Variants in MED12L observed in about 807,000 individuals in gnomAD.
MED12L encodes mediator complex subunit 12L.
A neutral mutation model predicts 281.3 loss-of-function variants in MED12L; 60 were observed. The observed-to-expected ratio is 0.21, with a 90% CI of 0.17 to 0.26. The LOEUF (loss-of-function observed/expected upper bound fraction) is 0.26, where lower values mean the gene tolerates loss of function less well. Among genes scored for constraint, MED12L ranks in the 10% least tolerant of loss-of-function variants. The probability of loss-of-function intolerance (pLI) is 1.00; values close to 1 mark genes in which losing one functional copy is unlikely to be tolerated. For synonymous variants in MED12L, 974 were observed against 987.2 expected (o/e 0.99, Z 0.25); for missense variants, 2,146 against 2,680.9 (o/e 0.80, Z 4.41).
intron 38 of MED12L, among the ~76,000 whole-genome samples, chr3:151,392,053 G>A (rs1714303077): frequency 6.6e-6 from 1 of 152,142 alleles, no homozygotes; most frequent in Non-Finnish European, 1.5e-5. Flanking sequence ...TGACACACAA[G>A]GACTGTCTGT....
chr3:151,346,186 T>C (rs1752514101), intron 16 of MED12L, among the ~76,000 whole-genome samples: 2 of 152,212 alleles, frequency 1.3e-5, no homozygotes, highest in Non-Finnish European at 2.9e-5. Flanking sequence ...TTTCTTTTTT[T>C]CCCGATGGTC....
intron 16 of MED12L, among the ~76,000 whole-genome samples, chr3:151,308,879 A>T (rs1216288773): frequency 6.6e-6 from 1 of 152,168 alleles, no homozygotes; most frequent in African/African-American, 2.4e-5. Context: ...GTTTAAGTTA[A>T]TGGAGTAAGA....
At chr3:151,356,646 T>C (rs1419711416) in intron 19 of MED12L, among the ~76,000 whole-genome samples, 3 of 152,112 alleles carry the variant, frequency 2.0e-5, no homozygotes, top group South Asian at 2.1e-4. Context: ...GTTGTTGTTG[T>C]TTTTCTTTTG....
rs1719073177 is a variant in MED12L at position 151,085,764 on chromosome 3, G to C, written c.-302G>C. The C allele has an allele frequency of 6.6e-6, 1 of 151,986 alleles. No homozygotes were observed. The highest frequency in any genetic ancestry group is 6.5e-5 in the Admixed American group (1 of 15,278). 9.4% of individuals were successfully genotyped at this position (151,986 alleles called of 1,614,324 possible). A position where few individuals can be genotyped will look rare whatever the true frequency, so the allele number is the denominator to read the frequency against. On this transcript the variant is annotated 5_prime_UTR_variant, in exon 1 of 45. Transcript: ENST00000687756. ...CGGCGGCGAGCCGGCGTCGCTCGCCGCCCCCAGACAGTGGCAAACTTCGCG... is the reference window on the plus strand; with the variant it reads ...CGGCGGCGAGCCGGCGTCGCTCGCCCCCCCCAGACAGTGGCAAACTTCGCG...
At chr3:151,185,715 G>C (rs1723179161) in intron 12 of MED12L, among the ~76,000 whole-genome samples, 1 of 152,102 alleles carries the variant, frequency 6.6e-6, no homozygotes, top group African/African-American at 2.4e-5. Context: ...GCTCACACCT[G>C]TTATAATCCT....
chr3:151,406,989 T>A (rs1716388355), intron 39 of MED12L, among the ~76,000 whole-genome samples: 1 of 152,038 alleles, frequency 6.6e-6, no homozygotes, highest in Non-Finnish European at 1.5e-5. Context: ...TTTGTAGAGA[T>A]CAGATTTCAC....
intron 39 of MED12L, among the ~76,000 whole-genome samples, chr3:151,398,162 A>T (rs1431860440): frequency 6.6e-6 from 1 of 152,194 alleles, no homozygotes; most frequent in Non-Finnish European, 1.5e-5. Flanking sequence ...AATCCTCAGC[A>T]TTCTGATTTT....
chr3:151,253,031 G>A (rs1737141666), intron 16 of MED12L, among the ~76,000 whole-genome samples: 1 of 152,156 alleles, frequency 6.6e-6, no homozygotes, highest in Admixed American at 6.5e-5. Flanking sequence ...GCTAAAGGGA[G>A]AAATTATGTT....
At chr3:151,376,244 A>C in intron 28 of MED12L, 30 bp downstream of exon 28, 1 of 1,349,070 alleles carries the variant, frequency 7.4e-7, no homozygotes, top group Non-Finnish European at 9.7e-7. Flanking sequence ...TGTTTCTGTC[A>C]TTTGATAAAT....
At chr3:151,191,501 T>C (rs1394065994) in intron 14 of MED12L, among the ~76,000 whole-genome samples, 1 of 152,244 alleles carries the variant, frequency 6.6e-6, no homozygotes, top group African/African-American at 2.4e-5. Flanking sequence ...TGCCAAATTC[T>C]GGTATTTTGG....
intron 11 of MED12L, among the ~76,000 whole-genome samples, chr3:151,172,951 T>C (rs1008535441): frequency 1.3e-5 from 2 of 152,256 alleles, no homozygotes; most frequent in Non-Finnish European, 2.9e-5. Flanking sequence ...TGGTTTCTAG[T>C]AACATAGTTG....
At chr3:151,337,718 A>C (rs1751197118) in intron 16 of MED12L, 14 of 1,177,546 alleles carry the variant, frequency 1.2e-5, no homozygotes, top group Non-Finnish European at 1.5e-5. Flanking sequence ...CATTATTATT[A>C]ACTTAGTTGC....
chr3:151,315,687 G>A (rs1748129582), intron 16 of MED12L, among the ~76,000 whole-genome samples: 1 of 152,122 alleles, frequency 6.6e-6, no homozygotes, highest in Non-Finnish European at 1.5e-5. Flanking sequence ...TCAACAGGGT[G>A]TCTGGCTTTT....
intron 16 of MED12L, among the ~76,000 whole-genome samples, chr3:151,202,538 C>T (rs957769642): frequency 3.3e-5 from 5 of 152,090 alleles, no homozygotes; most frequent in Admixed American, 2.6e-4. Context: ...AACGCGGTGG[C>T]GGGCACCTGT....
At chr3:151,300,678 T>TC (rs1454972807) in intron 16 of MED12L, among the ~76,000 whole-genome samples, 1 of 152,192 alleles carries the variant, frequency 6.6e-6, no homozygotes, top group Non-Finnish European at 1.5e-5. Context: ...AATAAAACCA[T>TC]GTGAGACTTT....
chr3:151,181,786 A>G (rs553355811), intron 11 of MED12L, among the ~76,000 whole-genome samples: 8 of 151,752 alleles, frequency 5.3e-5, no homozygotes, highest in East Asian at 1.9e-4. Flanking sequence ...GTGTTTCACT[A>G]TGTTGGTCAG....
Position 151,383,931 on chromosome 3 carries a change from A to G in MED12L, c.4790+43A>G, listed in dbSNP as rs114709620. ...CACATTGATTTTGCTACATGTATGC[A>G]TGGTATAAGCTTTGATATACTGATG... On this transcript the variant is annotated intron_variant, in intron 34 of 44. Coordinates refer to ENST00000687756, the MANE Select transcript of MED12L (RefSeq NM_001393769.1). The G allele has an allele frequency of 2.1e-3, 3,336 of 1,554,554 alleles. 72 individuals are homozygous for G. In the African/African-American group the frequency reaches 0.04, roughly 19 times the overall value.
intron 2 of MED12L, among the ~76,000 whole-genome samples, chr3:151,101,975 AG>A (rs1721449411): frequency 6.6e-6 from 1 of 152,192 alleles, no homozygotes; most frequent in South Asian, 2.1e-4. Flanking sequence ...CTGTTCAGCT[AG>A]GATAGTAGGT....
intron 11 of MED12L, among the ~76,000 whole-genome samples, chr3:151,169,108 T>G (rs74407674): frequency 1.4e-5 from 2 of 143,062 alleles, no homozygotes; most frequent in Non-Finnish European, 3.0e-5. Context: ...TTTTCTTTGT[T>G]TTTTTTTTTT....
Sources: allele counts gnomAD v4.1 joint callset (sites outside exome capture counted in the v4.1 genomes callset), GRCh38; gene constraint gnomAD v4.1.1; transcripts MANE v1.5; gene names NCBI Gene and HGNC (gene_info 2026-07-23, HGNC 2026-07-21).